CNTN5: variants seen among roughly 807,000 people sequenced by gnomAD.
CNTN5 encodes the protein contactin-5.
Under a neutral mutation model 129.1 loss-of-function variants are expected in CNTN5, and 77 were observed. The ratio of observed to expected loss-of-function variants is 0.60; its 90% CI spans 0.50 to 0.72. The LOEUF (loss-of-function observed/expected upper bound fraction) is 0.72, where lower values mean the gene tolerates loss of function less well. CNTN5 is among the 30% of genes least tolerant of loss of function. The pLI is 0.00. For synonymous variants in CNTN5, 509 were observed against 465.6 expected (o/e 1.09, Z -1.20); for missense variants, 1,478 against 1,328.8 (o/e 1.11, Z -1.75).
intron 6 of CNTN5, among the ~76,000 whole-genome samples, chr11:99,868,366 G>C (rs1472377877): frequency 6.6e-6 from 1 of 152,116 alleles, no homozygotes; most frequent in Non-Finnish European, 1.5e-5. Context: ...CAGTTACTGT[G>C]CTTATTGCTT....
chr11:99,136,474 ACT>A (rs1450377814), intron 1 of CNTN5, among the ~76,000 whole-genome samples: 1 of 152,146 alleles, frequency 6.6e-6, no homozygotes, highest in African/African-American at 2.4e-5. Context: ...AAAATTCAAA[ACT>A]ACAAATTTAC....
chr11:100,105,431 T>C (rs930677524), intron 13 of CNTN5, among the ~76,000 whole-genome samples: 1 of 152,146 alleles, frequency 6.6e-6, no homozygotes, highest in Non-Finnish European at 1.5e-5. Context: ...AAGAATGCCT[T>C]TGCATGGCTG....
At chr11:99,766,732 A>G (rs918152676) in intron 3 of CNTN5, among the ~76,000 whole-genome samples, 2 of 152,084 alleles carry the variant, frequency 1.3e-5, no homozygotes, top group Non-Finnish European at 2.9e-5. Flanking sequence ...TATGCTTTAA[A>G]GCAGATTTTT....
chr11:99,751,204 GTGGGTGCC>G (rs1188430245), intron 3 of CNTN5, among the ~76,000 whole-genome samples: 2 of 152,264 alleles, frequency 1.3e-5, no homozygotes, highest in African/African-American at 4.8e-5. Context: ...GGGTGTGGCG[GTGGGTGCC>G]TGCAATCCTA....
chr11:99,642,325 C>T (rs76237048), intron 3 of CNTN5, among the ~76,000 whole-genome samples: 1,621 of 152,216 alleles, frequency 0.011, 37 homozygotes, highest in African/African-American at 0.036. Flanking sequence ...AGTAAAAAAC[C>T]TCCCTGTTTT....
At chr11:99,514,193 C>T (rs929816322) in intron 2 of CNTN5, among the ~76,000 whole-genome samples, 7 of 151,984 alleles carry the variant, frequency 4.6e-5, no homozygotes, top group African/African-American at 9.7e-5. Flanking sequence ...AACATAAAGA[C>T]GTAACTGAAT....
At chr11:99,358,246 G>T (rs1938835593) in intron 2 of CNTN5, among the ~76,000 whole-genome samples, 1 of 31,230 alleles carries the variant, frequency 3.2e-5, no homozygotes, top group Admixed American at 4.8e-4. Context: ...CCGCCACCAC[G>T]CCCTGCTGAT....
intron 6 of CNTN5, among the ~76,000 whole-genome samples, chr11:99,858,471 T>C (rs1200521467): frequency 2.6e-5 from 4 of 152,016 alleles, no homozygotes; most frequent in African/African-American, 9.7e-5. Context: ...TGCACCAATA[T>C]GCAAGCAGGC....
At chr11:99,369,163 A>T (rs991271698) in intron 2 of CNTN5, among the ~76,000 whole-genome samples, 31 of 145,884 alleles carry the variant, frequency 2.1e-4, no homozygotes, top group African/African-American at 7.8e-4. Flanking sequence ...AGGCTGGGAG[A>T]AGAATTATAT....
At chr11:99,430,917 T>C (rs1943339415) in intron 2 of CNTN5, among the ~76,000 whole-genome samples, 1 of 152,030 alleles carries the variant, frequency 6.6e-6, no homozygotes, top group East Asian at 1.9e-4. Flanking sequence ...TGGAGGTAGC[T>C]TGGTTAGTAA....
At chr11:99,481,009 C>G (rs978340052) in intron 2 of CNTN5, among the ~76,000 whole-genome samples, 2 of 152,118 alleles carry the variant, frequency 1.3e-5, no homozygotes, top group Admixed American at 6.5e-5. Flanking sequence ...TGCACCTACT[C>G]TCACTCAGCT....
chr11:99,592,277 A>T (rs1472869539), intron 3 of CNTN5, among the ~76,000 whole-genome samples: 1 of 152,220 alleles, frequency 6.6e-6, no homozygotes, highest in Non-Finnish European at 1.5e-5. Flanking sequence ...GGGTTATTAG[A>T]TGAGTAACAG....
At chr11:99,826,458 C>T (rs1946961909) in intron 4 of CNTN5, among the ~76,000 whole-genome samples, 1 of 152,136 alleles carries the variant, frequency 6.6e-6, no homozygotes. Context: ...ACACAAAAGG[C>T]ATCCAACCTG....
chr11:99,773,415 T>G (rs982897852), intron 3 of CNTN5, among the ~76,000 whole-genome samples: 1 of 152,124 alleles, frequency 6.6e-6, no homozygotes, highest in Admixed American at 6.6e-5. Flanking sequence ...TGGTTTTTTC[T>G]GCTTTATAAA....
At chr11:99,150,097 T>C (rs981007391) in intron 1 of CNTN5, among the ~76,000 whole-genome samples, 6 of 152,084 alleles carry the variant, frequency 3.9e-5, no homozygotes, top group Non-Finnish European at 8.8e-5. Flanking sequence ...AATGTAACCT[T>C]ATTAAAAACT....
intron 16 of CNTN5, among the ~76,000 whole-genome samples, chr11:100,228,733 G>T (rs1184389797): frequency 2.0e-5 from 3 of 152,288 alleles, no homozygotes; most frequent in Non-Finnish European, 4.4e-5. Context: ...GGAAGCTGAG[G>T]TCTCAGCCCT....
chr11:99,737,071 G>T lies in CNTN5; in HGVS notation c.56-82473G>T, dbSNP rs186695170. On this transcript the variant is annotated intron_variant, in intron 3 of 24. Coordinates refer to ENST00000524871, the MANE Select transcript of CNTN5 (RefSeq NM_014361.4). ...AGTTTCAGAATAGTCTCCACGTTTT[G>T]CCCTCTTTTTTTACTTTTGTCAAAG... Among the ~76,000 whole-genome samples, 48 of 151,964 alleles carry T rather than the reference G, an allele frequency of 3.2e-4. 1 individual carries two copies. In the East Asian group the frequency reaches 4.4e-3, roughly 14 times the overall value.
chr11:100,321,731 C>A (rs1196539753), intron 21 of CNTN5, among the ~76,000 whole-genome samples: 1 of 152,006 alleles, frequency 6.6e-6, no homozygotes, highest in Non-Finnish European at 1.5e-5. Context: ...TCTTCTATAC[C>A]TAATTTGTTG....
intron 3 of CNTN5, among the ~76,000 whole-genome samples, chr11:99,686,467 T>C (rs1223690561): frequency 1.3e-5 from 2 of 152,136 alleles, no homozygotes; most frequent in African/African-American, 2.4e-5. Context: ...CTCTTTTAAG[T>C]TAGTAGCAAA....
Sources: gnomAD v4.1 joint callset for allele counts (sites outside exome capture counted in the v4.1 genomes callset) on GRCh38, gnomAD v4.1.1 for gene constraint, MANE v1.5 for transcripts, NCBI Gene and HGNC (gene_info 2026-07-23, HGNC 2026-07-21) for gene names.